Variants in PTBP3 observed in about 807,000 individuals in gnomAD.
PTBP3 encodes polypyrimidine tract-binding protein 3.
PTBP3 carries 20 observed loss-of-function variants against 58.7 expected under a neutral mutation model. That is an observed-to-expected ratio of 0.34 (90% CI 0.24 to 0.50). The LOEUF is 0.50. Among genes scored for constraint, PTBP3 ranks in the 20% least tolerant of loss-of-function variants. The pLI, the probability that PTBP3 is intolerant of heterozygous loss-of-function variation, is 0.98. For synonymous variants in PTBP3, 185 were observed against 219.8 expected (o/e 0.84, Z 1.40); for missense variants, 509 against 637.2 (o/e 0.80, Z 2.17).
intron 1 of PTBP3, among the ~76,000 whole-genome samples, chr9:112,298,164 C>A (rs539791406): frequency 6.6e-6 from 1 of 152,164 alleles, no homozygotes; most frequent in African/African-American, 2.4e-5. Flanking sequence ...TCTAACCAAA[C>A]GCAGGTTTCC....
At position 112,289,415 on chromosome 9, in the gene PTBP3, A is replaced by C. The variant is rs1240416012; in HGVS notation, c.34+8417T>G. ...TTATTTGATAAAAGGAATTTCAAGA[A>C]GACAAAAAAAAAACCTAGCTATTTG... On this transcript the variant is annotated intron_variant, in intron 2 of 13. Transcript: ENST00000374257. 2.0e-5 allele frequency among the ~76,000 whole-genome samples: 3 copies of C among 152,146 alleles called. No individual in the cohort carries two copies. The East Asian group carries it at 5.8e-4, about 29-fold the overall frequency.
the PTBP3 span, among the ~76,000 whole-genome samples, chr9:112,363,661 C>A: frequency 6.6e-6 from 1 of 152,108 alleles, no homozygotes; most frequent in Non-Finnish European, 1.5e-5. Context: ...ATATGTCTAT[C>A]CCTATGCCAA....
chr9:112,296,583 T>C (rs1256149871), intron 2 of PTBP3, among the ~76,000 whole-genome samples: 2 of 152,126 alleles, frequency 1.3e-5, no homozygotes, highest in East Asian at 3.8e-4. Context: ...AAACCCTCCC[T>C]TCTCTGAAAC....
At chr9:112,311,202 T>C (rs1239422048) in intron 1 of PTBP3, among the ~76,000 whole-genome samples, 3 of 152,094 alleles carry the variant, frequency 2.0e-5, no homozygotes, top group Non-Finnish European at 4.4e-5. Context: ...ATGTGTTTTT[T>C]TTTTTTTAAT....
chr9:112,277,056 A>C (rs1040801455), intron 2 of PTBP3, among the ~76,000 whole-genome samples: 1 of 152,188 alleles, frequency 6.6e-6, no homozygotes, highest in Non-Finnish European at 1.5e-5. Flanking sequence ...GTAACCCTAA[A>C]CAAATTTCAT....
intron 1 of PTBP3, among the ~76,000 whole-genome samples, chr9:112,311,155 G>C (rs976457635): frequency 6.6e-6 from 1 of 151,734 alleles, no homozygotes; most frequent in Non-Finnish European, 1.5e-5. Context: ...ATGATAATCC[G>C]GATTAAGGGC....
chr9:112,335,290 T>C (rs1161093647), upstream of PTBP3, among the ~76,000 whole-genome samples: 1 of 152,044 alleles, frequency 6.6e-6, no homozygotes, highest in Non-Finnish European at 1.5e-5. Context: ...TTTGTTTTTT[T>C]GTTTTTTTGT....
intron 10 of PTBP3, 102 bp from the exon 11 acceptor site, chr9:112,228,574 G>C: frequency 1.5e-6 from 1 of 677,452 alleles, no homozygotes; most frequent in African/African-American, 2.4e-5. Context: ...CTCTCCCTTG[G>C]CAATTCCATA....
At chr9:112,326,455 G>A (rs1166401028) in intron 1 of PTBP3, among the ~76,000 whole-genome samples, 1 of 152,224 alleles carries the variant, frequency 6.6e-6, no homozygotes, top group Non-Finnish European at 1.5e-5. Flanking sequence ...CAAGCCAAAT[G>A]TGGCCCATAG....
chr9:112,222,692 A>T lies in PTBP3; in HGVS notation c.*1159T>A. 3 of 982,848 alleles carry T rather than the reference A, an allele frequency of 3.1e-6. No homozygotes were observed. The highest frequency in any genetic ancestry group is 3.6e-6 in the Non-Finnish European group (3 of 827,172). The allele number at this position is 982,848 out of a possible 1,614,324, so 60.9% of individuals were successfully genotyped here. A position where few individuals can be genotyped will look rare whatever the true frequency, so the allele number is the denominator to read the frequency against. ...GCAATGAAAAAAATTTTAAATCCTTACCAAAACAGAGAAAGAAAAAACAAA... is the reference window on the plus strand; with the variant it reads ...GCAATGAAAAAAATTTTAAATCCTTTCCAAAACAGAGAAAGAAAAAACAAA... On this transcript the variant is annotated 3_prime_UTR_variant, in exon 14 of 14. Coordinates refer to ENST00000374257, the MANE Select transcript of PTBP3 (RefSeq NM_001163788.4).
In PTBP3 at chr9:112,218,703, G is replaced by C. The variant is rs1834703535; in HGVS notation, c.*5148C>G. 6.6e-6 allele frequency: 1 copy of C among 152,514 alleles called. No homozygotes were observed. Among genetic ancestry groups the C allele is most frequent in the African/African-American group, 2.4e-5 (1 of 41,410 alleles). The allele number at this position is 152,514 out of a possible 1,614,324, so 9.4% of individuals were successfully genotyped here. On this transcript the variant is annotated 3_prime_UTR_variant, in exon 14 of 14. Transcript: ENST00000374257. ...TCCTTTTTTTCCAATGCCACAGACT[G>C]TTACAAATGAAAGCTGGTACTGCTG... is the stretch of plus-strand genomic sequence containing the variant.
intron 5 of PTBP3, among the ~76,000 whole-genome samples, chr9:112,257,495 A>G (rs1836418690): frequency 6.6e-6 from 1 of 152,062 alleles, no homozygotes. Context: ...AACTCTATAT[A>G]CCTCCTGTGT....
chr9:112,257,489 C>T (rs13440032), intron 5 of PTBP3, among the ~76,000 whole-genome samples: 1 of 152,096 alleles, frequency 6.6e-6, no homozygotes, highest in Non-Finnish European at 1.5e-5. Flanking sequence ...ATACTCAACT[C>T]TATATACCTC....
chr9:112,263,180 T>A (rs1205875508), intron 4 of PTBP3, among the ~76,000 whole-genome samples: 2 of 152,208 alleles, frequency 1.3e-5, no homozygotes, highest in African/African-American at 4.8e-5. Context: ...GGGCCTGCAC[T>A]GGCCAAATCT....
intron 1 of PTBP3, among the ~76,000 whole-genome samples, chr9:112,326,254 G>A (rs1288852173): frequency 6.6e-6 from 1 of 152,176 alleles, no homozygotes; most frequent in African/African-American, 2.4e-5. Flanking sequence ...AAGGATTGCA[G>A]CAAATGCCTT....
chr9:112,285,835 A>G (rs533168491), intron 2 of PTBP3, among the ~76,000 whole-genome samples: 31 of 152,210 alleles, frequency 2.0e-4, no homozygotes, highest in Non-Finnish European at 4.1e-4. Flanking sequence ...ACAGGTAAGA[A>G]CTTGCCAACC....
At chr9:112,347,638 A>G in the PTBP3 span, among the ~76,000 whole-genome samples, 34 of 152,266 alleles carry the variant, frequency 2.2e-4, 1 homozygote, top group East Asian at 6.6e-3. Flanking sequence ...CTACTGTACC[A>G]TTTTTATAAT....
the PTBP3 span, among the ~76,000 whole-genome samples, chr9:112,349,001 C>T: frequency 1.3e-5 from 2 of 152,024 alleles, no homozygotes; most frequent in African/African-American, 2.4e-5. Context: ...AGTCTTTGTC[C>T]CTGGTTCCTG....
chr9:112,229,361 C>T (rs887810802), intron 10 of PTBP3, among the ~76,000 whole-genome samples: 2 of 151,984 alleles, frequency 1.3e-5, no homozygotes, highest in African/African-American at 2.4e-5. Context: ...GTCAGGAATT[C>T]GAGACCAGCC....
Sources: gnomAD v4.1 joint callset for allele counts (sites outside exome capture counted in the v4.1 genomes callset) on GRCh38, gnomAD v4.1.1 for gene constraint, MANE v1.5 for transcripts, NCBI Gene and HGNC (gene_info 2026-07-23, HGNC 2026-07-21) for gene names.